Variants in SLC45A1 observed in about 807,000 individuals in gnomAD.
The protein encoded by SLC45A1 is solute carrier family 45 member 1.
A neutral mutation model predicts 57.6 loss-of-function variants in SLC45A1; 28 were observed. The ratio of observed to expected loss-of-function variants is 0.49; its 90% CI spans 0.36 to 0.67. The LOEUF is 0.67. Among genes scored for constraint, SLC45A1 ranks in the 30% least tolerant of loss-of-function variants. The pLI is 0.00. For missense variants in SLC45A1, 814 were observed against 1,041.5 expected, an observed-to-expected ratio of 0.78 and a Z score of 3.01; for synonymous variants, 459 against 471.5, an observed-to-expected ratio of 0.97 and a Z score of 0.34.
intron 7 of SLC45A1, 24 bp downstream of exon 7, chr1:8,338,016 C>A: frequency 6.2e-7 from 1 of 1,608,140 alleles, no homozygotes; most frequent in Non-Finnish European, 8.5e-7. Flanking sequence ...GCCAGGCTGG[C>A]ACGGCAGTGA....
chr1:8,339,679 A>T lies in SLC45A1; in HGVS notation c.1961A>T (p.Asp654Val), dbSNP rs1412848593. The change falls in exon 8 of 9, where the codon GAT (aspartate) becomes GTT (valine). Residue 654 changes from aspartate (D) to valine (V), a missense_variant. Physicochemically the swap from Asp to Val is radical, Grantham distance 152. Coordinates refer to ENST00000471889, the MANE Select transcript of SLC45A1 (RefSeq NM_001080397.3). ...LCTLPYSLLCDYYQSKKFAGS... is the reference protein window; with the variant it reads ...LCTLPYSLLCVYYQSKKFAGS... ...ACCTTGCCTTACTCGCTGCTCTGCG[A>T]TTACTATCAGAGTAAGAAGGTAAGT... 1 of 1,613,980 alleles carries T rather than the reference A, an allele frequency of 6.2e-7. No individual in the cohort carries two copies. Among genetic ancestry groups the T allele is most frequent in the Non-Finnish European group, 8.5e-7 (1 of 1,179,978 alleles).
intron 4 of SLC45A1, among the ~76,000 whole-genome samples, chr1:8,329,479 C>T (rs992542868): frequency 6.6e-6 from 1 of 152,218 alleles, no homozygotes; most frequent in East Asian, 1.9e-4. Context: ...CTCTTGCCAT[C>T]GAAGCACAGA....
At position 8,325,494 on chromosome 1, in the gene SLC45A1, A is replaced by C. The variant is rs931085593; in HGVS notation, c.490+104A>C. 1 of 841,872 alleles carries C rather than the reference A, an allele frequency of 1.2e-6. No homozygotes were observed. The highest frequency in any genetic ancestry group is 1.7e-5 in the African/African-American group (1 of 58,172). 52.2% of individuals were successfully genotyped at this position (841,872 alleles called of 1,614,324 possible). The stretch of plus-strand genomic sequence containing the variant: ...AAAATGTTGACCAAAGCAGTTACCC[A>C]GATAGCTCTGGGCCCGCACTGGTGT... On this transcript the variant is annotated intron_variant, in intron 3 of 8. Transcript: ENST00000471889. This position sits in a 1 kb window ranked among gnomAD's most constrained non-coding sequence, Gnocchi z 6.3.
chr1:8,339,428 A>ACTGGAAGCTGAATCCCCGGAGGCT, intron 7 of SLC45A1, 65 bp from the exon 8 acceptor site: 1 of 1,531,538 alleles, frequency 6.5e-7, no homozygotes, highest in African/African-American at 1.4e-5. Context: ...GGGAGGTGGC[A>ACTGGAAGCTGAATCCCCGGAGGCT]CTGGAAGCTG....
Position 8,337,801 on chromosome 1 carries a change from C to T in SLC45A1, c.1598-15C>T, listed in dbSNP as rs1640668180. ...CCTTTGCCCCCGAGGTCATGAACCTCTTTCTTTCTTCCAGGGTGGCTCTCA... is the reference window on the plus strand; with the variant it reads ...CCTTTGCCCCCGAGGTCATGAACCTTTTTCTTTCTTCCAGGGTGGCTCTCA... On this transcript the variant is annotated splice_polypyrimidine_tract_variant and intron_variant, in intron 6 of 8. Coordinates refer to ENST00000471889, the MANE Select transcript of SLC45A1 (RefSeq NM_001080397.3). The T allele has an allele frequency of 6.2e-7, 1 of 1,610,764 alleles. No homozygotes were observed. Among genetic ancestry groups the T allele is most frequent in the African/African-American group, 1.3e-5 (1 of 74,838 alleles).
rs777976605 is a variant in SLC45A1 at position 8,343,468 on chromosome 1, G to C, written c.1981-279G>C. Among the ~76,000 whole-genome samples, 4 of 152,202 alleles carry C rather than the reference G, an allele frequency of 2.6e-5. No homozygotes were observed. Among genetic ancestry groups the C allele is most frequent in the African/African-American group, 4.8e-5 (2 of 41,450 alleles). Reference sequence around the variant, plus strand: ...TCTTTGGGTGAGAGGATGGGGAAGAGCTCAAGTGCTGAGCGGGGAAAGTGT... The same window carrying C: ...TCTTTGGGTGAGAGGATGGGGAAGACCTCAAGTGCTGAGCGGGGAAAGTGT... On this transcript the variant is annotated intron_variant, in intron 8 of 8. Coordinates refer to ENST00000471889, the MANE Select transcript of SLC45A1 (RefSeq NM_001080397.3). This position sits in a 1 kb window ranked among gnomAD's most constrained non-coding sequence, Gnocchi z 7.7.
At chr1:8,341,163 G>A (rs1009161263) in intron 8 of SLC45A1, among the ~76,000 whole-genome samples, 10 of 145,938 alleles carry the variant, frequency 6.9e-5, no homozygotes, top group African/African-American at 1.8e-4. Context: ...TGGTGCCACC[G>A]CACTCCAGCC....
intron 5 of SLC45A1, among the ~76,000 whole-genome samples, 166 bp downstream of exon 5, chr1:8,331,102 G>A (rs1468064305): frequency 1.3e-5 from 2 of 152,192 alleles, no homozygotes; most frequent in Admixed American, 6.5e-5. Context: ...GAGGCCAGGT[G>A]CGGTGGCTCA....
intron 5 of SLC45A1, among the ~76,000 whole-genome samples, chr1:8,332,764 G>C (rs952032489): frequency 1.3e-5 from 2 of 152,102 alleles, no homozygotes; most frequent in Non-Finnish European, 2.9e-5. Context: ...ACCCACCTTG[G>C]CCTCCCAAAG....
rs185940220 is a variant in SLC45A1 at position 8,325,515 on chromosome 1, G to A, written c.490+125G>A. On this transcript the variant is annotated intron_variant, in intron 3 of 8. Transcript: ENST00000471889. The surrounding 1 kb of genome is among the most constrained non-coding windows in gnomAD (Gnocchi z 6.3). ...ACCCAGATAGCTCTGGGCCCGCACTGGTGTGAGGCAGGGAGTGCCCCGCAA... is the reference window on the plus strand; with the variant it reads ...ACCCAGATAGCTCTGGGCCCGCACTAGTGTGAGGCAGGGAGTGCCCCGCAA... 1 of 706,790 alleles carries A rather than the reference G, an allele frequency of 1.4e-6. No individual in the cohort carries two copies. Among genetic ancestry groups the A allele is most frequent in the Non-Finnish European group, 2.4e-6 (1 of 414,424 alleles). 43.8% of individuals were successfully genotyped at this position (706,790 alleles called of 1,614,324 possible).
rs370641193 is a variant in SLC45A1 at position 8,322,299 on chromosome 1, G to A, written c.-24-2007G>A. Among the ~76,000 whole-genome samples the A allele has an allele frequency of 5.4e-4, 14 of 25,772 alleles. 6 individuals are homozygous for A. Among genetic ancestry groups the A allele is most frequent in the Non-Finnish European group, 1.0e-3 (11 of 10,970 alleles). 16.9% of individuals were successfully genotyped at this position (25,772 alleles called of 152,430 possible). On this transcript the variant is annotated intron_variant, in intron 1 of 8. Transcript: ENST00000471889. The stretch of plus-strand genomic sequence containing the variant: ...GGATGGATGGATGGATGGATGGATG[G>A]ATGGATGGATGGATGGATGGATGGA...
intron 5 of SLC45A1, among the ~76,000 whole-genome samples, chr1:8,333,245 T>C (rs181837209): frequency 6.6e-6 from 1 of 152,254 alleles, no homozygotes; most frequent in East Asian, 1.9e-4. Context: ...TTTCCTTTTT[T>C]TTTTTTCTTT....
Position 8,328,213 on chromosome 1 carries a change from T to C in SLC45A1, c.716-1996T>C, listed in dbSNP as rs1193836807. 3 of 151,908 alleles carry C rather than the reference T, an allele frequency of 2.0e-5. No homozygotes were observed. The East Asian group carries it at 5.8e-4, about 29-fold the overall frequency. The allele number at this position is 151,908 out of a possible 1,614,324, so 9.4% of individuals were successfully genotyped here. Reference sequence around the variant, plus strand: ...CAGATATTGGAACAATGTTTAAAAATCAAGGGAAAAGCCTAATGAGACATT... The same window carrying C: ...CAGATATTGGAACAATGTTTAAAAACCAAGGGAAAAGCCTAATGAGACATT... On this transcript the variant is annotated intron_variant, in intron 4 of 8. Transcript: ENST00000471889. This position sits in a 1 kb window ranked among gnomAD's most constrained non-coding sequence, Gnocchi z 4.6.
chr1:8,339,485 G>C lies in SLC45A1; in HGVS notation c.1775-8G>C. ...TGTGGCACTGCTCACCCTCTCTGTG[G>C]CCCGCAGCTATCCTGGAGAAGCTGG... On this transcript the variant is annotated splice_region_variant and splice_polypyrimidine_tract_variant and intron_variant, in intron 7 of 8. Coordinates refer to ENST00000471889, the MANE Select transcript of SLC45A1 (RefSeq NM_001080397.3). 2 of 1,614,074 alleles carry C rather than the reference G, an allele frequency of 1.2e-6. No homozygotes were observed. Among genetic ancestry groups the C allele is most frequent in the Non-Finnish European group, 1.7e-6 (2 of 1,179,954 alleles).
chr1:8,332,348 C>T (rs895404133), intron 5 of SLC45A1, among the ~76,000 whole-genome samples: 5 of 152,136 alleles, frequency 3.3e-5, no homozygotes, highest in Non-Finnish European at 7.3e-5. Flanking sequence ...GGTTAACTTC[C>T]GGAGGCTATA....
intron 1 of SLC45A1, among the ~76,000 whole-genome samples, chr1:8,318,610 C>T (rs571761733): frequency 6.6e-6 from 1 of 152,328 alleles, no homozygotes; most frequent in Admixed American, 6.5e-5. Context: ...CCCAGGGTTA[C>T]TTAGCGAGGG....
Position 8,341,936 on chromosome 1 carries a change from G to A in SLC45A1, c.1981-1811G>A, listed in dbSNP as rs562943252. On this transcript the variant is annotated intron_variant, in intron 8 of 8. Transcript: ENST00000471889. The stretch of plus-strand genomic sequence containing the variant: ...GTAAATAAATAAATAGGCCGGGTGC[G>A]GTGGCTCACGCCTGTAATCCCAGCA... Among the ~76,000 whole-genome samples, 67 of 143,988 alleles carry A rather than the reference G, an allele frequency of 4.7e-4. No individual in the cohort carries two copies. In the South Asian group the frequency reaches 0.013, roughly 28 times the overall value. The allele number at this position is 143,988 out of a possible 152,430, so 94.5% of individuals were successfully genotyped here.
Position 8,329,973 on chromosome 1 carries a change from C to T in SLC45A1, c.716-236C>T, listed in dbSNP as rs377259476. On this transcript the variant is annotated intron_variant, in intron 4 of 8. Coordinates refer to ENST00000471889, the MANE Select transcript of SLC45A1 (RefSeq NM_001080397.3). Reference sequence around the variant, plus strand: ...AGGCAGGTGGTCACTGTGCTGCTGCCGGGGGTCACACCAGGAAGGGCCCTG... The same window carrying T: ...AGGCAGGTGGTCACTGTGCTGCTGCTGGGGGTCACACCAGGAAGGGCCCTG... 4.3e-4 allele frequency among the ~76,000 whole-genome samples: 66 copies of T among 152,186 alleles called. No homozygotes were observed. In the East Asian group the frequency reaches 7.6e-3, roughly 17 times the overall value.
At chr1:8,324,211 T>G in intron 1 of SLC45A1, 95 bp from the exon 2 acceptor site, 2 of 1,125,480 alleles carry the variant, frequency 1.8e-6, no homozygotes, top group Non-Finnish European at 2.6e-6. Flanking sequence ...CGGGGGATGG[T>G]GTTTGACTCT....
Sources: allele counts gnomAD v4.1 joint callset (sites outside exome capture counted in the v4.1 genomes callset), GRCh38; gene constraint gnomAD v4.1.1; non-coding constraint Gnocchi (gnomAD v3.1); transcripts MANE v1.5; gene names NCBI Gene and HGNC (gene_info 2026-07-23, HGNC 2026-07-21).